CABIN1: variants seen among roughly 807,000 people sequenced by gnomAD.
The protein encoded by CABIN1 is calcineurin-binding protein cabin-1.
CABIN1 carries 133 observed loss-of-function variants against 227.7 expected under a neutral mutation model. The observed-to-expected ratio is 0.58, with a 90% CI of 0.51 to 0.67. The LOEUF (loss-of-function observed/expected upper bound fraction) is 0.67, where lower values mean the gene tolerates loss of function less well. Among genes scored for constraint, CABIN1 ranks in the 30% least tolerant of loss-of-function variants. CABIN1 has a pLI of 0.00. For synonymous variants in CABIN1, 1,086 were observed against 1,155.1 expected (o/e 0.94, Z 1.21); for missense variants, 2,408 against 2,852.5 (o/e 0.84, Z 3.55).
chr22:24,076,020 CAAA>C (rs71226739), intron 18 of CABIN1, 146 bp from the exon 19 acceptor site: 4,852 of 516,604 alleles, frequency 9.4e-3, no homozygotes, highest in Non-Finnish European at 0.01. Context: ...TTTAAAAAGG[CAAA>C]AAAAAAAAAA....
chr22:24,044,793 T>C lies in CABIN1; in HGVS notation c.526+1709T>C, dbSNP rs562385983. On this transcript the variant is annotated intron_variant, in intron 6 of 36. Transcript: ENST00000263119. ...CCAATAGCATGTTCCTTATTTCCAT[T>C]TGAGATCTCAGCAGAAATGCCCTTG... Among the ~76,000 whole-genome samples, 4 of 152,332 alleles carry C rather than the reference T, an allele frequency of 2.6e-5. No individual in the cohort carries two copies. The East Asian group carries it at 5.8e-4, about 22-fold the overall frequency.
At chr22:24,098,664 A>C (rs1275712751) in intron 26 of CABIN1, among the ~76,000 whole-genome samples, 1 of 152,116 alleles carries the variant, frequency 6.6e-6, no homozygotes, top group African/African-American at 2.4e-5. Flanking sequence ...GAGAATCCAG[A>C]TAAGTTGTTA....
chr22:24,067,142 T>A lies in CABIN1; in HGVS notation c.2193T>A (p.Thr731=). The A allele has an allele frequency of 6.2e-7, 1 of 1,614,260 alleles. No homozygotes were observed. The highest frequency in any genetic ancestry group is 8.5e-7 in the Non-Finnish European group (1 of 1,180,046). Residue 731 remains threonine (T), a synonymous_variant, in exon 16 of 37, where the codon ACT becomes ACA. Coordinates refer to ENST00000263119, the MANE Select transcript of CABIN1 (RefSeq NM_012295.4). ...FDRAKHLEFM[T]SIPERPAQLL... Reference sequence around the variant, plus strand: ...GGGCCAAACACCTGGAGTTTATGACTTCCATTCCTGAGAGGCCAGCCCAGC... The same window carrying A: ...GGGCCAAACACCTGGAGTTTATGACATCCATTCCTGAGAGGCCAGCCCAGC...
intron 1 of CABIN1, among the ~76,000 whole-genome samples, chr22:24,018,877 G>T (rs1226008745): frequency 6.6e-6 from 1 of 151,904 alleles, no homozygotes; most frequent in African/African-American, 2.4e-5. Context: ...TTATATTTTT[G>T]AATCCTATCC....
intron 29 of CABIN1, among the ~76,000 whole-genome samples, chr22:24,153,532 C>T (rs1479757654): frequency 2.0e-5 from 3 of 152,156 alleles, no homozygotes; most frequent in Non-Finnish European, 2.9e-5. Context: ...TATCACATGA[C>T]GCTCCAGGGA....
chr22:24,038,181 C>A (rs913527795), intron 3 of CABIN1, among the ~76,000 whole-genome samples, 167 bp from the exon 4 acceptor site: 1 of 152,182 alleles, frequency 6.6e-6, no homozygotes, highest in African/African-American at 2.4e-5. Flanking sequence ...GCTCAATCTC[C>A]AGCCTCTCTT....
rs1414101377 is a variant in CABIN1 at position 24,176,043 on chromosome 22, GAC to G, written c.6041-64_6041-63del. 3 of 1,542,388 alleles carry G rather than the reference GAC, an allele frequency of 1.9e-6. No homozygotes were observed. In the East Asian group the frequency reaches 7.1e-5, roughly 37 times the overall value. ...GGCACAACCTGGGCCCATAGGACCT[GAC>G]ACAGATGCGTTGGAGCCTGCGGGGT... is the stretch of plus-strand genomic sequence containing the variant. On this transcript the variant is annotated intron_variant, in intron 34 of 36. Coordinates refer to ENST00000263119, the MANE Select transcript of CABIN1 (RefSeq NM_012295.4).
chr22:24,164,252 T>C, intron 29 of CABIN1, 148 bp from the exon 30 acceptor site: 2 of 930,088 alleles, frequency 2.2e-6, no homozygotes, highest in Non-Finnish European at 3.4e-6. Flanking sequence ...TTCTGTCTCC[T>C]TGGGACAGTG....
In CABIN1 at chr22:24,049,217, A is replaced by T; in HGVS notation, c.653A>T (p.Lys218Ile). 6.2e-7 allele frequency: 1 copy of T among 1,613,514 alleles called. No homozygotes were observed. The highest frequency in any genetic ancestry group is 8.5e-7 in the Non-Finnish European group (1 of 1,179,892). ...AAGGACTCTCTCAGAATGTTCCTCA[A>T]ATGGTAAGTCCTGCCTCTTCCCATG... is the stretch of plus-strand genomic sequence containing the variant. Reference protein sequence around the residue: ...LRKDSLRMFLKCDMSIHDVSV... With the variant: ...LRKDSLRMFLICDMSIHDVSV... Residue 218 changes from lysine to isoleucine, a missense_variant, in exon 7 of 37, where the codon AAA (lysine) becomes ATA (isoleucine). Transcript: ENST00000263119.
At chr22:24,038,710 C>T (rs1479550099) in intron 4 of CABIN1, among the ~76,000 whole-genome samples, 3 of 152,182 alleles carry the variant, frequency 2.0e-5, no homozygotes, top group Admixed American at 6.5e-5. Flanking sequence ...GGCCAGCTAT[C>T]GTTATTACTT....
chr22:24,032,789 G>A (rs921549002), intron 1 of CABIN1, among the ~76,000 whole-genome samples: 9 of 152,134 alleles, frequency 5.9e-5, no homozygotes, highest in African/African-American at 2.2e-4. Flanking sequence ...TTTCTGGCCA[G>A]GCATGGTGGC....
At chr22:24,168,879 G>GA (rs2046617733) in intron 33 of CABIN1, among the ~76,000 whole-genome samples, 1 of 152,188 alleles carries the variant, frequency 6.6e-6, no homozygotes, top group African/African-American at 2.4e-5. Flanking sequence ...GGTGGCAGGG[G>GA]AAGGTGGAGA....
chr22:24,110,847 C>T (rs1948361179), intron 26 of CABIN1, among the ~76,000 whole-genome samples: 1 of 142,554 alleles, frequency 7.0e-6, no homozygotes, highest in Non-Finnish European at 1.5e-5. Flanking sequence ...TCAGCAGTTT[C>T]AAAATGGCCC....
chr22:24,151,682 C>T (rs548005869), intron 29 of CABIN1, among the ~76,000 whole-genome samples: 2 of 152,266 alleles, frequency 1.3e-5, no homozygotes, highest in East Asian at 3.9e-4. Context: ...CAGCTCACAC[C>T]AAGAGGCCTT....
At position 24,084,695 on chromosome 22, in the gene CABIN1, G is replaced by A; in HGVS notation, c.3027G>A (p.Leu1009=). 6.2e-7 allele frequency: 1 copy of A among 1,614,170 alleles called. No individual in the cohort carries two copies. Among genetic ancestry groups the A allele is most frequent in the South Asian group, 1.1e-5 (1 of 91,082 alleles). Residue 1009 remains leucine (L), a synonymous_variant, in exon 21 of 37, where the codon CTG becomes CTA. Coordinates refer to ENST00000263119, the MANE Select transcript of CABIN1 (RefSeq NM_012295.4). ...STVSADLANL[L]KRIATIVPRT... ...TGTCTGCTGACTTGGCCAACCTACT[G>A]AAGAGAATTGCCACCATTGTGCCTC... is the stretch of plus-strand genomic sequence containing the variant.
chr22:24,134,128 C>G (rs149186042), intron 28 of CABIN1, among the ~76,000 whole-genome samples, 174 bp from the exon 29 acceptor site: 182 of 152,318 alleles, frequency 1.2e-3, no homozygotes, highest in African/African-American at 4.3e-3. Context: ...ATCCCACAGC[C>G]TGATGATCAA....
intron 1 of CABIN1, among the ~76,000 whole-genome samples, chr22:24,012,898 C>T (rs1456209244): frequency 6.6e-6 from 1 of 151,800 alleles, no homozygotes; most frequent in Non-Finnish European, 1.5e-5. Context: ...GTAGCTGGGA[C>T]TACAGACACC....
At chr22:24,095,444 C>T (rs923833709) in intron 24 of CABIN1, among the ~76,000 whole-genome samples, 7 of 150,340 alleles carry the variant, frequency 4.7e-5, no homozygotes, top group Non-Finnish European at 4.4e-5. Context: ...ACCACACCCA[C>T]GGGGAAGACG....
At chr22:24,076,488 G>C (rs2146879877) in intron 19 of CABIN1, among the ~76,000 whole-genome samples, 2 of 152,286 alleles carry the variant, frequency 1.3e-5, no homozygotes, top group East Asian at 3.9e-4. Context: ...TTTCTTGCCA[G>C]AAAGTTCCCT....
Sources: allele counts gnomAD v4.1 joint callset (sites outside exome capture counted in the v4.1 genomes callset), GRCh38; gene constraint gnomAD v4.1.1; transcripts MANE v1.5; gene names NCBI Gene and HGNC (gene_info 2026-07-23, HGNC 2026-07-21).